The following SLC4A8 variants were observed in gnomAD, a reference collection of about 807,000 sequenced individuals.
SLC4A8 encodes the protein solute carrier family 4 member 8.
SLC4A8 carries 40 observed loss-of-function variants against 125.0 expected under a neutral mutation model. The ratio of observed to expected loss-of-function variants is 0.32; its 90% CI spans 0.25 to 0.42. The LOEUF (loss-of-function observed/expected upper bound fraction) is 0.42, where lower values mean the gene tolerates loss of function less well. Ranked by LOEUF, SLC4A8 falls within the 10% of genes least tolerant of loss-of-function variation. The probability of loss-of-function intolerance (pLI) is 1.00; values close to 1 mark genes in which losing one functional copy is unlikely to be tolerated. For missense variants in SLC4A8, 863 were observed against 1,355.1 expected (o/e 0.64, Z 5.70); for synonymous variants, 456 against 476.0 (o/e 0.96, Z 0.55).
chr12:51,443,326 C>T (rs1021938827), intron 2 of SLC4A8, among the ~76,000 whole-genome samples: 10 of 152,156 alleles, frequency 6.6e-5, no homozygotes, highest in Admixed American at 3.3e-4. Context: ...GAGATTTAGT[C>T]TGTGTACATT....
intron 1 of SLC4A8, among the ~76,000 whole-genome samples, chr12:51,412,315 A>G (rs1565755698): frequency 2.6e-5 from 4 of 152,138 alleles, no homozygotes. Context: ...ATGCATAATA[A>G]TTATATATAT....
intron 17 of SLC4A8, 27 bp downstream of exon 17, chr12:51,485,927 C>G (rs1951152238): frequency 1.6e-6 from 2 of 1,281,898 alleles, no homozygotes. Context: ...GTACTTGGTG[C>G]ACTCATGTAA....
At chr12:51,481,309 T>C (rs1033123182) in intron 16 of SLC4A8, among the ~76,000 whole-genome samples, 2 of 152,158 alleles carry the variant, frequency 1.3e-5, no homozygotes, top group Admixed American at 1.3e-4. Context: ...AACTCACAAC[T>C]TTCCAGTCCA....
chr12:51,429,415 A>G (rs1030860705), intron 1 of SLC4A8, among the ~76,000 whole-genome samples: 6 of 152,220 alleles, frequency 3.9e-5, no homozygotes, highest in Non-Finnish European at 8.8e-5. Flanking sequence ...GAGGGAGGCC[A>G]GCTAGGAGGC....
chr12:51,399,548 T>C (rs1173326703), intron 1 of SLC4A8, among the ~76,000 whole-genome samples: 1 of 152,260 alleles, frequency 6.6e-6, no homozygotes, highest in Non-Finnish European at 1.5e-5. Flanking sequence ...GTGGCTCTGA[T>C]AGATTTCCAG....
chr12:51,394,235 C>T (rs1948215990), intron 1 of SLC4A8, among the ~76,000 whole-genome samples: 1 of 152,228 alleles, frequency 6.6e-6, no homozygotes, highest in Non-Finnish European at 1.5e-5. Context: ...CAGCAGTCTG[C>T]GTTGTGTGTT....
chr12:51,497,345 C>T (rs1055488), intron 22 of SLC4A8: 2 of 504,864 alleles, frequency 4.0e-6, no homozygotes, highest in Non-Finnish European at 7.1e-6. Context: ...CCTTTGTTTA[C>T]AATCTACTCA....
chr12:51,418,519 T>C (rs549086070), intron 1 of SLC4A8, among the ~76,000 whole-genome samples: 1 of 152,304 alleles, frequency 6.6e-6, no homozygotes, highest in African/African-American at 2.4e-5. Flanking sequence ...CCTCTGCTAT[T>C]TGTTGGCTAA....
rs751836164 is a variant in SLC4A8, at chr12:51,511,989, G to C, written c.*4551G>C. 6.6e-6 allele frequency: 1 copy of C among 152,210 alleles called. No homozygotes were observed. The highest frequency in any genetic ancestry group is 2.1e-4 in the South Asian group (1 of 4,826). 9.4% of individuals were successfully genotyped at this position (152,210 alleles called of 1,614,324 possible). ...CTCAAATCTCTGTAAAGAGCACTAA[G>C]AGTATGTAGTGTTGCATGATATAAT... is the stretch of plus-strand genomic sequence containing the variant. On this transcript the variant is annotated 3_prime_UTR_variant, in exon 25 of 25. Transcript: ENST00000453097.
chr12:51,465,699 A>G (rs1592231145), intron 11 of SLC4A8, among the ~76,000 whole-genome samples: 1 of 151,984 alleles, frequency 6.6e-6, no homozygotes, highest in Admixed American at 6.6e-5. Flanking sequence ...AGCTTCTGTC[A>G]TTTTTCTTAG....
chr12:51,407,112 A>G (rs1387102923), intron 1 of SLC4A8, among the ~76,000 whole-genome samples: 1 of 152,136 alleles, frequency 6.6e-6, no homozygotes, highest in Non-Finnish European at 1.5e-5. Context: ...CTCTTCCAAG[A>G]TGGTGCCTTG....
At chr12:51,396,960 C>T (rs1351656821) in intron 1 of SLC4A8, among the ~76,000 whole-genome samples, 1 of 110,028 alleles carries the variant, frequency 9.1e-6, no homozygotes, top group Admixed American at 1.3e-4. Flanking sequence ...GACGGAGTCT[C>T]ATTCTGTCGC....
intron 1 of SLC4A8, 40 bp from the exon 2 acceptor site, chr12:51,440,668 G>A (rs1372500012): frequency 6.8e-7 from 1 of 1,475,822 alleles, no homozygotes; most frequent in South Asian, 1.2e-5. Context: ...TTTGAACGAG[G>A]TATGTGTATT....
chr12:51,426,984 G>A (rs1039664400), intron 1 of SLC4A8, among the ~76,000 whole-genome samples: 2 of 149,006 alleles, frequency 1.3e-5, no homozygotes, highest in African/African-American at 5.0e-5. Context: ...TGTCGCCCAG[G>A]CTGGAGTGCA....
rs146917839 is a variant in SLC4A8, at chr12:51,488,788, C to G, written c.2376C>G (p.Leu792=). ...TVIAAIIPAL[L]CTILIFMDQQ... Reference sequence around the variant, plus strand: ...TAGCTGCAATTATCCCAGCTCTTCTCTGTACTATCTTGATATTCATGGATC... The same window carrying G: ...TAGCTGCAATTATCCCAGCTCTTCTGTGTACTATCTTGATATTCATGGATC... The change falls in exon 18 of 25, where the codon CTC becomes CTG. Residue 792 remains leucine (L), a synonymous_variant. Transcript: ENST00000453097. The G allele has an allele frequency of 2.6e-3, 4,189 of 1,613,466 alleles. 21 individuals are homozygous for G. The highest frequency in any genetic ancestry group is 7.7e-3 in the South Asian group (698 of 91,060).
intron 18 of SLC4A8, 37 bp from the exon 19 acceptor site, chr12:51,489,663 G>T (rs1416360240): frequency 1.2e-6 from 2 of 1,612,128 alleles, no homozygotes; most frequent in Non-Finnish European, 1.7e-6. Flanking sequence ...ACTACAGCTA[G>T]CCTACTGATG....
chr12:51,392,798 G>A (rs1393462042), intron 1 of SLC4A8: 2 of 152,302 alleles, frequency 1.3e-5, no homozygotes, highest in Admixed American at 1.3e-4. Flanking sequence ...TACCCCGCCA[G>A]GGCCCGTGCT....
At chr12:51,504,782 A>G (rs962423630) in intron 23 of SLC4A8, among the ~76,000 whole-genome samples, 3 of 152,212 alleles carry the variant, frequency 2.0e-5, no homozygotes, top group Non-Finnish European at 2.9e-5. Flanking sequence ...ACTTCTGCCA[A>G]TGATTTTAGC....
chr12:51,454,061 C>G lies in SLC4A8; in HGVS notation c.574+362C>G, dbSNP rs140750514. The stretch of plus-strand genomic sequence containing the variant: ...CCTGTAATCCCAGCACTTCGGGATG[C>G]CAAGGTGGGTGGATAACTTGAGCTC... On this transcript the variant is annotated intron_variant, in intron 5 of 24. Transcript: ENST00000453097. 1.2e-3 allele frequency among the ~76,000 whole-genome samples: 184 copies of G among 152,294 alleles called. 4 individuals carry two copies. In the East Asian group the frequency reaches 0.031, roughly 25 times the overall value.
Sources: gnomAD v4.1 joint callset for allele counts (sites outside exome capture counted in the v4.1 genomes callset) on GRCh38, gnomAD v4.1.1 for gene constraint, MANE v1.5 for transcripts, NCBI Gene and HGNC (gene_info 2026-07-23, HGNC 2026-07-21) for gene names.